The following RSRC1 variants were observed in gnomAD, a reference collection of about 807,000 sequenced individuals.
RSRC1 encodes serine/Arginine-related protein 53.
In RSRC1, 39 loss-of-function variants were observed where a neutral mutation model predicts 49.1. The ratio of observed to expected loss-of-function variants is 0.79; its 90% CI spans 0.61 to 1.04. The LOEUF (loss-of-function observed/expected upper bound fraction) is 1.04. Among genes scored for constraint, RSRC1 ranks in the 50% least tolerant of loss-of-function variants. The probability of loss-of-function intolerance (pLI) is 0.00; values close to 1 mark genes in which losing one functional copy is unlikely to be tolerated. For missense variants in RSRC1, 388 were observed against 402.4 expected, an observed-to-expected ratio of 0.96 and a Z score of 0.31; for synonymous variants, 143 against 130.8, an observed-to-expected ratio of 1.09 and a Z score of -0.63.
intron 6 of RSRC1, among the ~76,000 whole-genome samples, chr3:158,382,860 G>T (rs558253966): frequency 6.6e-6 from 1 of 151,780 alleles, no homozygotes; most frequent in Non-Finnish European, 1.5e-5. Context: ...GAATTTTTTT[G>T]GAGTTTAATG....
At chr3:158,516,631 G>A (rs551742341) in intron 7 of RSRC1, among the ~76,000 whole-genome samples, 1 of 152,290 alleles carries the variant, frequency 6.6e-6, no homozygotes, top group East Asian at 1.9e-4. Flanking sequence ...CACCCGGTTG[G>A]AGCTTCCCGG....
Position 158,460,940 on chromosome 3 carries a change from G to C in RSRC1, c.589G>C (p.Ala197Pro), listed in dbSNP as rs771458938. 1 of 1,589,874 alleles carries C rather than the reference G, an allele frequency of 6.3e-7. No homozygotes were observed. Among genetic ancestry groups the C allele is most frequent in the Non-Finnish European group, 8.6e-7 (1 of 1,165,688 alleles). The stretch of plus-strand genomic sequence containing the variant: ...TTGTATTGTTTTTGTTTCAGCAAAA[G>C]CTGATGAAGCATTGAAAGCCAAAGA... ...LQLVLEAAAK[A>P]DEALKAKERN... is the part of the protein sequence containing the mutation. The change falls in exon 7 of 10, where the codon GCT (alanine) becomes CCT (proline). Residue 197 changes from alanine (A) to proline (P), a missense_variant. Coordinates refer to ENST00000611884, the MANE Select transcript of RSRC1 (RefSeq NM_001271838.2).
intron 7 of RSRC1, among the ~76,000 whole-genome samples, chr3:158,525,557 T>C (rs1360696055): frequency 2.0e-5 from 3 of 151,946 alleles, no homozygotes; most frequent in Non-Finnish European, 4.4e-5. Context: ...TAGGGCAGTA[T>C]TTACTATCCA....
chr3:158,515,245 C>A (rs925509191), intron 7 of RSRC1, among the ~76,000 whole-genome samples: 1 of 151,922 alleles, frequency 6.6e-6, no homozygotes, highest in Non-Finnish European at 1.5e-5. Flanking sequence ...ATTGGTTGTT[C>A]CTTTCCATGT....
At chr3:158,325,143 A>G (rs1433472232) in intron 5 of RSRC1, among the ~76,000 whole-genome samples, 1 of 151,982 alleles carries the variant, frequency 6.6e-6, no homozygotes, top group Non-Finnish European at 1.5e-5. Flanking sequence ...TTGTCAGATG[A>G]GTAGATTGGA....
Position 158,180,395 on chromosome 3 carries a change from T to C in RSRC1, c.321-22677T>C, listed in dbSNP as rs867330650. 6.2e-3 allele frequency among the ~76,000 whole-genome samples: 519 copies of C among 83,840 alleles called. 5 individuals carry two copies. The highest frequency in any genetic ancestry group is 0.03 in the African/African-American group (500 of 16,760). The allele number at this position is 83,840 out of a possible 152,430, so 55.0% of individuals were successfully genotyped here. On this transcript the variant is annotated intron_variant, in intron 3 of 9. Coordinates refer to ENST00000611884, the MANE Select transcript of RSRC1 (RefSeq NM_001271838.2). The stretch of plus-strand genomic sequence containing the variant: ...AGTATGAGGTTTAGGTCGAGGTTCT[T>C]TTTTTTTTTTTTTTTTTTTTTGCCG...
intron 3 of RSRC1, among the ~76,000 whole-genome samples, chr3:158,129,477 G>C (rs553858229): frequency 1.3e-5 from 2 of 151,934 alleles, no homozygotes; most frequent in East Asian, 3.9e-4. Flanking sequence ...TTTTTGGAGA[G>C]ATGGGGTTTC....
chr3:158,143,799 A>C (rs958442967), intron 3 of RSRC1, among the ~76,000 whole-genome samples: 3 of 152,240 alleles, frequency 2.0e-5, no homozygotes, highest in Admixed American at 1.3e-4. Flanking sequence ...AGAGGATATT[A>C]CCAAGCTATA....
chr3:158,329,850 G>A (rs1729434940), intron 5 of RSRC1, among the ~76,000 whole-genome samples: 2 of 152,216 alleles, frequency 1.3e-5, no homozygotes, highest in Non-Finnish European at 2.9e-5. Flanking sequence ...TACAGAGGCA[G>A]GCAGGCCTCC....
chr3:158,460,670 A>T (rs1737562817), intron 6 of RSRC1, among the ~76,000 whole-genome samples: 1 of 151,922 alleles, frequency 6.6e-6, no homozygotes. Flanking sequence ...ATATGTCATC[A>T]TTTAAATGTG....
intron 7 of RSRC1, chr3:158,469,661 TAGG>T (rs1346966119): frequency 6.5e-6 from 1 of 153,190 alleles, no homozygotes; most frequent in Non-Finnish European, 1.5e-5. Flanking sequence ...TTAGCAGAAA[TAGG>T]AGATATATCT....
intron 6 of RSRC1, among the ~76,000 whole-genome samples, chr3:158,412,994 A>G (rs1286255452): frequency 6.6e-6 from 1 of 152,158 alleles, no homozygotes; most frequent in Non-Finnish European, 1.5e-5. Flanking sequence ...AAACTACTTT[A>G]AAATTCATAT....
intron 3 of RSRC1, among the ~76,000 whole-genome samples, chr3:158,143,550 G>A (rs913942390): frequency 1.4e-4 from 21 of 152,032 alleles, no homozygotes; most frequent in Non-Finnish European, 7.4e-5. Flanking sequence ...TAGAAATCAA[G>A]GATTGTATAT....
intron 8 of RSRC1, among the ~76,000 whole-genome samples, chr3:158,542,880 A>G (rs16829105): frequency 0.12 from 17,828 of 152,234 alleles, 1,365 homozygotes; most frequent in African/African-American, 0.22. Context: ...TTTACTTTTC[A>G]TACCTAAATT....
At chr3:158,225,791 A>G in intron 4 of RSRC1, 1 of 394,564 alleles carries the variant, frequency 2.5e-6, no homozygotes, top group South Asian at 2.0e-5. Context: ...AACATTAATT[A>G]CCTTTAAAAT....
intron 4 of RSRC1, among the ~76,000 whole-genome samples, chr3:158,239,444 T>C (rs1723438521): frequency 6.6e-6 from 1 of 152,040 alleles, no homozygotes; most frequent in South Asian, 2.1e-4. Context: ...TAGCAAAGAC[T>C]TGGAACCAAC....
At chr3:158,271,468 T>G (rs1032315978) in intron 4 of RSRC1, among the ~76,000 whole-genome samples, 3 of 152,172 alleles carry the variant, frequency 2.0e-5, no homozygotes, top group Non-Finnish European at 4.4e-5. Context: ...TTTAATATTC[T>G]TTTACTCTCA....
chr3:158,284,003 T>A (rs1163980327), intron 4 of RSRC1, among the ~76,000 whole-genome samples: 1 of 151,840 alleles, frequency 6.6e-6, no homozygotes, highest in Non-Finnish European at 1.5e-5. Flanking sequence ...AACTCCTCAT[T>A]TAGCATTAGG....
chr3:158,450,331 C>CTT (rs57318071), intron 6 of RSRC1, among the ~76,000 whole-genome samples: 48 of 127,284 alleles, frequency 3.8e-4, no homozygotes, highest in African/African-American at 3.7e-4. Context: ...TTCTTTTTTG[C>CTT]TTTTTTTTTT....
Sources: allele counts gnomAD v4.1 joint callset (sites outside exome capture counted in the v4.1 genomes callset), GRCh38; gene constraint gnomAD v4.1.1; transcripts MANE v1.5; gene names NCBI Gene and HGNC (gene_info 2026-07-23, HGNC 2026-07-21).